The following PLCG2 variants were observed in gnomAD, a reference collection of about 807,000 sequenced individuals.
The protein encoded by PLCG2 is phospholipase C gamma 2.
In PLCG2, 69 loss-of-function variants were observed where a neutral mutation model predicts 175.6. The observed-to-expected ratio is 0.39, with a 90% confidence interval of 0.32 to 0.48. The LOEUF (loss-of-function observed/expected upper bound fraction) is 0.48. Ranked by LOEUF, PLCG2 falls within the 20% of genes least tolerant of loss-of-function variation. PLCG2 has a pLI of 0.91. For synonymous variants in PLCG2, 827 were observed against 624.0 expected (o/e 1.33, Z -4.85); for missense variants, 1,798 against 1,650.9 (o/e 1.09, Z -1.54).
chr16:81,820,868 A>G (rs1490451708), intron 2 of PLCG2, among the ~76,000 whole-genome samples: 1 of 150,670 alleles, frequency 6.6e-6, no homozygotes, highest in African/African-American at 2.5e-5. Context: ...TGATCCGCCC[A>G]CCTCAGCCTC....
At chr16:81,781,611 C>G (rs565201081) in intron 1 of PLCG2, among the ~76,000 whole-genome samples, 3 of 152,286 alleles carry the variant, frequency 2.0e-5, no homozygotes, top group South Asian at 4.1e-4. Flanking sequence ...CTTGCAGTGG[C>G]TGACACCATT....
At chr16:81,777,391 C>G (rs543563928), upstream of PLCG2, among the ~76,000 whole-genome samples, 5 of 97,882 alleles carry the variant, frequency 5.1e-5, no homozygotes, top group East Asian at 1.1e-3. Flanking sequence ...CATACTAAAA[C>G]AAAAGTGTGA....
intron 2 of PLCG2, among the ~76,000 whole-genome samples, chr16:81,825,585 G>C (rs989116673): frequency 1.3e-5 from 2 of 152,056 alleles, no homozygotes; most frequent in African/African-American, 4.8e-5. Flanking sequence ...GTGAGCCACC[G>C]CGCCCAGCCC....
At chr16:81,873,567 A>C (rs1352454711) in intron 7 of PLCG2, among the ~76,000 whole-genome samples, 1 of 148,076 alleles carries the variant, frequency 6.8e-6, no homozygotes, top group East Asian at 2.0e-4. Context: ...TTTTTTTTTT[A>C]ATAATAGTTT....
chr16:81,842,401 G>A (rs1163244309), intron 2 of PLCG2, among the ~76,000 whole-genome samples: 6 of 152,160 alleles, frequency 3.9e-5, no homozygotes, highest in Non-Finnish European at 5.9e-5. Flanking sequence ...ACTCGGAGCC[G>A]TCTGAGGGCA....
chr16:81,775,500 C>T (rs1331410937), upstream of PLCG2, among the ~76,000 whole-genome samples: 1 of 152,146 alleles, frequency 6.6e-6, no homozygotes, highest in Non-Finnish European at 1.5e-5. Flanking sequence ...CTTGGTTTTG[C>T]CCCATGGGGA....
At chr16:81,784,601 A>G (rs1769411454) in intron 1 of PLCG2, among the ~76,000 whole-genome samples, 1 of 152,158 alleles carries the variant, frequency 6.6e-6, no homozygotes, top group Non-Finnish European at 1.5e-5. Flanking sequence ...ACTTGGAGGG[A>G]AAGGAGGAGA....
chr16:81,813,825 G>T, intron 2 of PLCG2, among the ~76,000 whole-genome samples: 1 of 152,220 alleles, frequency 6.6e-6, no homozygotes, highest in East Asian at 1.9e-4. Context: ...ATAGTAGCTA[G>T]TCTTCTCTGT....
chr16:81,779,030 G>A (rs1356923786), upstream of PLCG2, among the ~76,000 whole-genome samples: 1 of 152,310 alleles, frequency 6.6e-6, no homozygotes, highest in South Asian at 2.1e-4. Context: ...TGATATTGGG[G>A]AATTCCCTTT....
At chr16:81,841,814 G>A (rs578224458) in intron 2 of PLCG2, among the ~76,000 whole-genome samples, 1 of 152,242 alleles carries the variant, frequency 6.6e-6, no homozygotes, top group African/African-American at 2.4e-5. Context: ...CATGTCAGAC[G>A]CTGCTACATG....
At chr16:81,947,972 C>A (rs140943078) in intron 31 of PLCG2, among the ~76,000 whole-genome samples, 6 of 152,286 alleles carry the variant, frequency 3.9e-5, no homozygotes, top group Admixed American at 1.3e-4. Context: ...TTCTACTTCA[C>A]AGACGACTTT....
At chr16:81,941,256 G>A (rs543208167) in intron 30 of PLCG2, among the ~76,000 whole-genome samples, 23 of 152,268 alleles carry the variant, frequency 1.5e-4, no homozygotes, top group African/African-American at 5.5e-4. Flanking sequence ...GCCGGGCACG[G>A]TGGCTCACTC....
chr16:81,912,449 T>A, intron 18 of PLCG2, 148 bp from the exon 19 acceptor site: 1 of 934,372 alleles, frequency 1.1e-6, no homozygotes, highest in Non-Finnish European at 1.6e-6. Context: ...GGTGCCTTTG[T>A]CTGGGGAAGC....
chr16:81,893,330 G>A (rs1429981263), intron 11 of PLCG2, among the ~76,000 whole-genome samples: 1 of 152,210 alleles, frequency 6.6e-6, no homozygotes, highest in Admixed American at 6.6e-5. Context: ...ATCAAAAGAA[G>A]TGCCCATCTT....
In PLCG2 at chr16:81,900,800, C is replaced by T. The variant is rs768117126; in HGVS notation, c.1362+20C>T. 3 of 1,586,598 alleles carry T rather than the reference C, an allele frequency of 1.9e-6. No homozygotes were observed. The Admixed American group carries it at 5.0e-5, about 27-fold the overall frequency. On this transcript the variant is annotated intron_variant, in intron 14 of 32. Transcript: ENST00000564138. Reference sequence around the variant, plus strand: ...ATCAAGGTAGGCACCCCGGGTGCTGCTGTTGGCTGTCCAGGGAGCCCAGTG... The same window carrying T: ...ATCAAGGTAGGCACCCCGGGTGCTGTTGTTGGCTGTCCAGGGAGCCCAGTG...
chr16:81,875,560 C>G (rs957020590), intron 7 of PLCG2, among the ~76,000 whole-genome samples: 3 of 152,148 alleles, frequency 2.0e-5, no homozygotes, highest in South Asian at 2.1e-4. Context: ...CTGACTTCAG[C>G]CATTATCACC....
chr16:81,924,146 G>A (rs1332243660), intron 22 of PLCG2, among the ~76,000 whole-genome samples: 2 of 152,236 alleles, frequency 1.3e-5, no homozygotes, highest in Non-Finnish European at 2.9e-5. Context: ...ACCTGGGTAT[G>A]CTAGGGTTTA....
At chr16:81,899,285 T>TAC (rs1276926709) in intron 13 of PLCG2, among the ~76,000 whole-genome samples, 6 of 129,012 alleles carry the variant, frequency 4.7e-5, no homozygotes, top group African/African-American at 2.1e-4. Flanking sequence ...TATATATATA[T>TAC]ATATACACAC....
chr16:81,961,937 C>T lies in PLCG2; in HGVS notation c.*3939C>T, dbSNP rs1007032551. On this transcript the variant is annotated 3_prime_UTR_variant, in exon 33 of 33. Transcript: ENST00000564138. ...TAAGATTGCTGATCGGATGTGAGGG[C>T]GATCTGGCTGCGACATCTGTCACCC... 1.2e-4 allele frequency: 24 copies of T among 198,558 alleles called. No homozygotes were observed. Among genetic ancestry groups the T allele is most frequent in the African/African-American group, 4.6e-4 (20 of 43,426 alleles). 12.3% of individuals were successfully genotyped at this position (198,558 alleles called of 1,614,324 possible).
Sources: gnomAD v4.1 joint callset for allele counts (sites outside exome capture counted in the v4.1 genomes callset) on GRCh38, gnomAD v4.1.1 for gene constraint, MANE v1.5 for transcripts, NCBI Gene and HGNC (gene_info 2026-07-23, HGNC 2026-07-21) for gene names.